The following ARID1B variants were observed in gnomAD, a reference collection of about 807,000 sequenced individuals.
ARID1B encodes the protein AT-rich interaction domain 1B.
In ARID1B, 30 loss-of-function variants were observed where a neutral mutation model predicts 212.3. The ratio of observed to expected loss-of-function variants is 0.14; its 90% CI spans 0.11 to 0.19. The LOEUF is 0.19. Ranked by LOEUF, ARID1B falls within the 10% of genes least tolerant of loss-of-function variation. The probability of loss-of-function intolerance (pLI) is 1.00; values close to 1 mark genes in which losing one functional copy is unlikely to be tolerated. For synonymous variants in ARID1B, 1,402 were observed against 1,301.7 expected (o/e 1.08, Z -1.66); for missense variants, 2,891 against 3,204.0 (o/e 0.90, Z 2.36).
At chr6:157,074,694 G>A (rs1170864046) in intron 4 of ARID1B, among the ~76,000 whole-genome samples, 1 of 152,150 alleles carries the variant, frequency 6.6e-6, no homozygotes, top group Non-Finnish European at 1.5e-5. Flanking sequence ...TTTTATTCTT[G>A]TGCCTTTGGG....
At chr6:156,988,618 A>G (rs1190688320) in intron 4 of ARID1B, among the ~76,000 whole-genome samples, 1 of 152,196 alleles carries the variant, frequency 6.6e-6, no homozygotes, top group African/African-American at 2.4e-5. Context: ...AGCTCTGGAC[A>G]TCTCATTTCC....
intron 6 of ARID1B, among the ~76,000 whole-genome samples, chr6:157,129,693 A>G (rs1182091885): frequency 6.6e-6 from 1 of 152,172 alleles, no homozygotes; most frequent in East Asian, 1.9e-4. Context: ...TCCTTTTTGC[A>G]AATGTGATTT....
chr6:156,852,821 C>T (rs896276834), intron 2 of ARID1B, among the ~76,000 whole-genome samples: 1 of 152,150 alleles, frequency 6.6e-6, no homozygotes, highest in Admixed American at 6.5e-5. Context: ...AAGTAGGAGC[C>T]TCTCGTTTCA....
At position 156,778,392 on chromosome 6, in the gene ARID1B, G is replaced by C. The variant is rs1378351788; in HGVS notation, c.712G>C (p.Glu238Gln). Residue 238 changes from glutamate to glutamine, a missense_variant, in exon 1 of 20, where the codon GAG (glutamate) becomes CAG (glutamine). By Grantham distance (29) the Glu-to-Gln change is conservative. Transcript: ENST00000636930. ...CGCGCCTCAGCCCGGCCCCGACATG[G>C]AGCAGCCGCAACATGGAGGCGCCAA... ...GGAPQPGPDM[E>Q]QPQHGGAKDS... The C allele has an allele frequency of 6.5e-7, 1 of 1,535,730 alleles. No homozygotes were observed.
chr6:156,939,779 T>C (rs1473442139), intron 4 of ARID1B: 1 of 151,276 alleles, frequency 6.6e-6, no homozygotes, highest in Non-Finnish European at 1.5e-5. Context: ...AGTGGACACT[T>C]TGGATAATTA....
At chr6:156,953,387 A>T (rs1487837438) in intron 4 of ARID1B, among the ~76,000 whole-genome samples, 1 of 152,248 alleles carries the variant, frequency 6.6e-6, no homozygotes, top group Non-Finnish European at 1.5e-5. Context: ...TGGAACATTC[A>T]TGCAGGTCTG....
At chr6:157,063,945 C>T (rs953030149) in intron 4 of ARID1B, among the ~76,000 whole-genome samples, 10 of 152,292 alleles carry the variant, frequency 6.6e-5, no homozygotes, top group South Asian at 6.2e-4. Flanking sequence ...TGGTTGGCAC[C>T]GCAGTGCTCT....
rs373222707 is a variant in ARID1B, at chr6:156,990,388, A to T, written c.2247+54812A>T. On this transcript the variant is annotated intron_variant, in intron 4 of 19. Coordinates refer to ENST00000636930, the MANE Select transcript of ARID1B (RefSeq NM_001374828.1). ...CCGGGCGCTGTGGCTCACACCTGTAATCCCAGCACTTTGGGAGGCCAAGGC... is the reference window on the plus strand; with the variant it reads ...CCGGGCGCTGTGGCTCACACCTGTATTCCCAGCACTTTGGGAGGCCAAGGC... 5.0e-4 allele frequency among the ~76,000 whole-genome samples: 76 copies of T among 152,084 alleles called. 2 individuals are homozygous for T. The South Asian group carries it at 0.016, about 32-fold the overall frequency.
chr6:156,827,935 A>G (rs963824456), intron 1 of ARID1B, among the ~76,000 whole-genome samples: 4 of 149,362 alleles, frequency 2.7e-5, no homozygotes, highest in African/African-American at 9.9e-5. Flanking sequence ...TGATTTTTGT[A>G]TTTTTAGTAG....
intron 6 of ARID1B, among the ~76,000 whole-genome samples, chr6:157,120,210 C>A (rs753920306): frequency 2.6e-5 from 4 of 152,188 alleles, no homozygotes; most frequent in Non-Finnish European, 5.9e-5. Flanking sequence ...TAAGGAATGA[C>A]TGGATCTTCT....
At chr6:156,940,186 C>G (rs1366667456) in intron 4 of ARID1B, 1 of 152,130 alleles carries the variant, frequency 6.6e-6, no homozygotes, top group South Asian at 2.1e-4. Context: ...CAGTCATACT[C>G]TAAGAGCGTT....
intron 2 of ARID1B, among the ~76,000 whole-genome samples, chr6:156,847,688 G>A (rs1348246419): frequency 6.6e-6 from 1 of 152,178 alleles, no homozygotes; most frequent in Non-Finnish European, 1.5e-5. Flanking sequence ...ACATTTGGTA[G>A]TTATTAACAC....
At chr6:157,195,376 C>T (rs1303682376) in intron 15 of ARID1B, 1 of 152,250 alleles carries the variant, frequency 6.6e-6, no homozygotes, top group Non-Finnish European at 1.5e-5. Context: ...CCCACCTTCC[C>T]TAACACGTGA....
Position 157,208,877 on chromosome 6 carries a change from C to CA in ARID1B, c.*996dup, listed in dbSNP as rs200471587. ...AAAGAAAAAATACAAAAAACAAAAA[C>CA]AAAAAAAAAAGAGGGTAATGTACAA... On this transcript the variant is annotated 3_prime_UTR_variant, in exon 20 of 20. Transcript: ENST00000636930. 2,722 of 197,906 alleles carry CA rather than the reference C, an allele frequency of 0.014. 16 individuals carry two copies. Among genetic ancestry groups the CA allele is most frequent in the African/African-American group, 0.031 (1,277 of 40,974 alleles). The allele number at this position is 197,906 out of a possible 1,614,324, so 12.3% of individuals were successfully genotyped here.
intron 1 of ARID1B, among the ~76,000 whole-genome samples, chr6:156,806,886 G>A (rs1170756243): frequency 6.6e-6 from 1 of 152,226 alleles, no homozygotes; most frequent in Non-Finnish European, 1.5e-5. Context: ...TAGACAATCC[G>A]TAAATGAACG....
rs193025542 is a variant in ARID1B at position 157,202,083 on chromosome 6, T to C, written c.5263+595T>C. 2.0e-5 allele frequency among the ~76,000 whole-genome samples: 3 copies of C among 152,336 alleles called. No homozygotes were observed. The East Asian group carries it at 5.8e-4, about 29-fold the overall frequency. ...TGTATGTAATATGTAGATTGATAGA[T>C]GGTATGACATAAAGAATATGCTATG... On this transcript the variant is annotated intron_variant, in intron 18 of 19. Coordinates refer to ENST00000636930, the MANE Select transcript of ARID1B (RefSeq NM_001374828.1).
chr6:156,996,482 G>A lies in ARID1B; in HGVS notation c.2247+60906G>A, dbSNP rs925442725. Among the ~76,000 whole-genome samples, 10 of 152,310 alleles carry A rather than the reference G, an allele frequency of 6.6e-5. No homozygotes were observed. The South Asian group carries it at 2.1e-3, about 32-fold the overall frequency. On this transcript the variant is annotated intron_variant, in intron 4 of 19. Transcript: ENST00000636930. Reference sequence around the variant, plus strand: ...GTACTGAACCAGAAGGTGAGTCATGGCTCTGTCTCTGGGCCTCCATTTGTT... The same window carrying A: ...GTACTGAACCAGAAGGTGAGTCATGACTCTGTCTCTGGGCCTCCATTTGTT...
At chr6:157,017,436 T>G (rs765182306) in intron 4 of ARID1B, among the ~76,000 whole-genome samples, 1 of 152,340 alleles carries the variant, frequency 6.6e-6, no homozygotes, top group East Asian at 1.9e-4. Flanking sequence ...AATAGATGAC[T>G]ATTAGATTTT....
chr6:156,851,215 G>T (rs1784561568), intron 2 of ARID1B, among the ~76,000 whole-genome samples: 1 of 152,286 alleles, frequency 6.6e-6, no homozygotes, highest in East Asian at 1.9e-4. Flanking sequence ...AGCACTAGGG[G>T]CTGCTTCTAG....
Sources: gnomAD v4.1 joint callset for allele counts (sites outside exome capture counted in the v4.1 genomes callset) on GRCh38, gnomAD v4.1.1 for gene constraint, MANE v1.5 for transcripts, NCBI Gene and HGNC (gene_info 2026-07-23, HGNC 2026-07-21) for gene names.